The following LHFPL1 variants were observed in gnomAD, a reference collection of about 807,000 sequenced individuals.
LHFPL1 encodes the protein LHFPL tetraspan subfamily member 1, also known as LHFPL tetraspan subfamily member 1 protein.
Under a neutral mutation model 12.1 loss-of-function variants are expected in LHFPL1, and 4 were observed. The ratio of observed to expected loss-of-function variants is 0.33; its 90% CI spans 0.16 to 0.76. LHFPL1 has a LOEUF of 0.76. Among genes scored for constraint, LHFPL1 ranks in the 30% least tolerant of loss-of-function variants. The pLI, the probability that LHFPL1 is intolerant of heterozygous loss-of-function variation, is 0.61. For synonymous variants in LHFPL1, 52 were observed against 61.9 expected, an observed-to-expected ratio of 0.84 and a Z score of 0.75; for missense variants, 141 against 174.1, an observed-to-expected ratio of 0.81 and a Z score of 1.07.
At chrX:112,677,597 T>C (rs1174276064) in intron 1 of LHFPL1, among the ~76,000 whole-genome samples, 1 of 110,043 alleles carries the variant, frequency 9.1e-6, no homozygotes, top group African/African-American at 3.3e-5. Flanking sequence ...ATGTGACTCC[T>C]TATATCAAGT....
At chrX:112,644,072 A>G (rs915151002) in intron 3 of LHFPL1, among the ~76,000 whole-genome samples, 12 of 111,925 alleles carry the variant, frequency 1.1e-4, no homozygotes, top group African/African-American at 3.9e-4. Flanking sequence ...TGTGGGCTAG[A>G]TGGGCAACTA....
intron 3 of LHFPL1, among the ~76,000 whole-genome samples, chrX:112,640,929 T>C (rs760926863): frequency 2.2e-4 from 25 of 111,801 alleles, no homozygotes; most frequent in Non-Finnish European, 3.9e-4. Flanking sequence ...TTATTCAGCA[T>C]CTTGAATACA....
chrX:112,638,504 G>A (rs1930409872), intron 3 of LHFPL1, among the ~76,000 whole-genome samples: 1 of 110,964 alleles, frequency 9.0e-6, no homozygotes, highest in Non-Finnish European at 1.9e-5. Flanking sequence ...TGAGGGGAAG[G>A]AATAGAGAGA....
chrX:112,633,549 A>G lies in LHFPL1; in HGVS notation c.482-1948T>C, dbSNP rs765897348. Among the ~76,000 whole-genome samples, 9 of 112,196 alleles carry G rather than the reference A, an allele frequency of 8.0e-5. No homozygotes were observed. In the South Asian group the frequency reaches 1.1e-3, roughly 14 times the overall value. ...AAGTTTTCTCTGACCTTCCTAAGTCAACTTCCCTCATCAGAGGCTCTCACA... is the reference window on the plus strand; with the variant it reads ...AAGTTTTCTCTGACCTTCCTAAGTCGACTTCCCTCATCAGAGGCTCTCACA... On this transcript the variant is annotated intron_variant, in intron 3 of 3. Coordinates refer to ENST00000371968, the MANE Select transcript of LHFPL1 (RefSeq NM_178175.4).
At chrX:112,648,890 C>T (rs1256027561) in intron 3 of LHFPL1, among the ~76,000 whole-genome samples, 1 of 111,667 alleles carries the variant, frequency 9.0e-6, no homozygotes, top group East Asian at 2.8e-4. Context: ...AATAGATTGA[C>T]TCTATTACCA....
chrX:112,671,732 C>A (rs967724842), intron 1 of LHFPL1, among the ~76,000 whole-genome samples: 24 of 111,925 alleles, frequency 2.1e-4, no homozygotes, highest in African/African-American at 7.8e-4. Flanking sequence ...TAACTCTTGA[C>A]ATACATCGTG....
chrX:112,676,899 C>T (rs1338260874), intron 1 of LHFPL1, among the ~76,000 whole-genome samples: 1 of 112,114 alleles, frequency 8.9e-6, no homozygotes, highest in African/African-American at 3.2e-5. Context: ...CACCATCTTC[C>T]AAATGAGAGC....
chrX:112,664,042 G>A (rs767688001), intron 2 of LHFPL1, among the ~76,000 whole-genome samples: 1 of 112,254 alleles, frequency 8.9e-6, no homozygotes, highest in South Asian at 3.8e-4. Flanking sequence ...TATACAAAAT[G>A]ATGTAGTGTT....
chrX:112,639,510 A>G (rs896334857), intron 3 of LHFPL1, among the ~76,000 whole-genome samples: 1 of 111,662 alleles, frequency 9.0e-6, no homozygotes, highest in Non-Finnish European at 1.9e-5. Flanking sequence ...TAGAAAGTCC[A>G]TGGGAGTACT....
chrX:112,643,378 C>CAAAAAA lies in LHFPL1; in HGVS notation c.482-11783_482-11778dup, dbSNP rs1164744066. Among the ~76,000 whole-genome samples the CAAAAAA allele has an allele frequency of 6.5e-4, 25 of 38,665 alleles. 1 individual carries two copies. The highest frequency in any genetic ancestry group is 1.0e-3 in the Admixed American group (3 of 2,987). The allele number at this position is 38,665 out of a possible 115,157, so 33.6% of individuals were successfully genotyped here. On this transcript the variant is annotated intron_variant, in intron 3 of 3. Coordinates refer to ENST00000371968, the MANE Select transcript of LHFPL1 (RefSeq NM_178175.4). ...TGGGCTACAGAGCCAGACTCCGTCT[C>CAAAAAA]AAAAAAAAAAAAAAAAAAAAAGAAA...
intron 3 of LHFPL1, among the ~76,000 whole-genome samples, chrX:112,644,138 T>A (rs1488375945): frequency 8.9e-6 from 1 of 112,596 alleles, no homozygotes. Context: ...TGCCAGGGCA[T>A]TCTAGCTGAT....
At chrX:112,637,636 T>C (rs1400433228) in intron 3 of LHFPL1, among the ~76,000 whole-genome samples, 1 of 112,061 alleles carries the variant, frequency 8.9e-6, no homozygotes, top group Non-Finnish European at 1.9e-5. Flanking sequence ...AGAAAGGGCA[T>C]AAAAAGAGAA....
In LHFPL1 at chrX:112,676,673, A is replaced by G. The variant is rs1323993464; in HGVS notation, c.-15+3156T>C. Among the ~76,000 whole-genome samples the G allele has an allele frequency of 3.6e-5, 4 of 112,283 alleles. No individual in the cohort carries two copies. The South Asian group carries it at 1.5e-3, about 42-fold the overall frequency. ...GTGGGTAGAAGTCACCTCAACCTAT[A>G]TGATGCAGGAAACCCACCTAAACCA... On this transcript the variant is annotated intron_variant, in intron 1 of 3. Transcript: ENST00000371968.
chrX:112,665,074 C>A, intron 2 of LHFPL1, among the ~76,000 whole-genome samples: 1 of 112,026 alleles, frequency 8.9e-6, no homozygotes, highest in Non-Finnish European at 1.9e-5. Context: ...AAATCCCAGC[C>A]CTGCCACATA....
chrX:112,671,342 G>A lies in LHFPL1; in HGVS notation c.49C>T (p.Leu17Phe), dbSNP rs771321378. ...MVGTLWAFLSLVTAVTSSTSY... is the reference protein window; with the variant it reads ...MVGTLWAFLSFVTAVTSSTSY... ...GTAGAACTGGTCACAGCAGTAACAA[G>A]GGACAGGAAGGCCCAGAGGGTTCCC... Residue 17 changes from leucine to phenylalanine, a missense_variant, in exon 2 of 4, where the codon CTT becomes TTT. Physicochemically the swap from Leu to Phe is conservative, Grantham distance 22. Transcript: ENST00000371968. 21 of 1,210,308 alleles carry A rather than the reference G, an allele frequency of 1.7e-5. No individual in the cohort carries two copies. The East Asian group carries it at 5.9e-4, about 34-fold the overall frequency.
chrX:112,666,227 AC>A (rs1299292863), intron 2 of LHFPL1, among the ~76,000 whole-genome samples: 5 of 111,666 alleles, frequency 4.5e-5, no homozygotes, highest in African/African-American at 1.6e-4. Context: ...TCAAACACAA[AC>A]CAGTGGAAAA....
intron 3 of LHFPL1, 53 bp downstream of exon 3, chrX:112,660,574 T>C: frequency 9.7e-7 from 1 of 1,033,351 alleles, no homozygotes; most frequent in East Asian, 3.0e-5. Flanking sequence ...TAAAGCACTT[T>C]GGAAAACACA....
intron 3 of LHFPL1, among the ~76,000 whole-genome samples, 193 bp from the exon 4 acceptor site, chrX:112,631,794 C>T (rs752413946): frequency 3.6e-5 from 4 of 111,875 alleles, no homozygotes; most frequent in Admixed American, 9.5e-5. Context: ...GTGCTGACTG[C>T]TGATCTTTGC....
At chrX:112,652,578 G>A (rs1382555861) in intron 3 of LHFPL1, among the ~76,000 whole-genome samples, 1 of 111,985 alleles carries the variant, frequency 8.9e-6, no homozygotes, top group Non-Finnish European at 1.9e-5. Flanking sequence ...TATGATGATG[G>A]GGGACTTTGA....
Sources: allele counts gnomAD v4.1 joint callset (sites outside exome capture counted in the v4.1 genomes callset), GRCh38; gene constraint gnomAD v4.1.1; transcripts MANE v1.5; gene names NCBI Gene and HGNC (gene_info 2026-07-23, HGNC 2026-07-21).